SECISBP2L: variants seen among roughly 807,000 people sequenced by gnomAD.
SECISBP2L encodes SECIS binding protein 2 like.
In SECISBP2L, 43 loss-of-function variants were observed where a neutral mutation model predicts 114.7. The ratio of observed to expected loss-of-function variants is 0.38; its 90% CI spans 0.29 to 0.48. The LOEUF (loss-of-function observed/expected upper bound fraction) is 0.48, where lower values mean the gene tolerates loss of function less well. Ranked by LOEUF, SECISBP2L falls within the 20% of genes least tolerant of loss-of-function variation. The pLI, the probability that SECISBP2L is intolerant of heterozygous loss-of-function variation, is 0.98. For missense variants in SECISBP2L, 1,136 were observed against 1,301.1 expected, an observed-to-expected ratio of 0.87 and a Z score of 1.95; for synonymous variants, 451 against 439.7, an observed-to-expected ratio of 1.03 and a Z score of -0.32.
Position 48,988,669 on chromosome 15 carries a change from AAG to A in SECISBP2L, c.*3573_*3574del, listed in dbSNP as rs1188381466. The A allele has an allele frequency of 2.2e-6, 1 of 455,482 alleles. No individual in the cohort carries two copies. Among genetic ancestry groups the A allele is most frequent in the Non-Finnish European group, 4.4e-6 (1 of 226,546 alleles). 28.2% of individuals were successfully genotyped at this position (455,482 alleles called of 1,614,324 possible). A position where few individuals can be genotyped will look rare whatever the true frequency, so the allele number is the denominator to read the frequency against. Reference sequence around the variant, plus strand: ...TTCAATAATCATTTTATTAGTACAGAAGAATCCCCACTAGTATTTACATAGTG... The same window carrying A: ...TTCAATAATCATTTTATTAGTACAGAAATCCCCACTAGTATTTACATAGTG... On this transcript the variant is annotated 3_prime_UTR_variant, in exon 18 of 18. Coordinates refer to ENST00000559471, the MANE Select transcript of SECISBP2L (RefSeq NM_001193489.2).
intron 2 of SECISBP2L, 100 bp from the exon 3 acceptor site, chr15:49,035,758 C>A: frequency 1.9e-6 from 2 of 1,063,232 alleles, no homozygotes; most frequent in Non-Finnish European, 2.7e-6. Flanking sequence ...CAAAACAGAA[C>A]AGTGGCTTCA....
At position 48,992,819 on chromosome 15, in the gene SECISBP2L, G is replaced by T; in HGVS notation, c.2731C>A (p.Pro911Thr). 6.2e-7 allele frequency: 1 copy of T among 1,614,158 alleles called. No individual in the cohort carries two copies. Among genetic ancestry groups the T allele is most frequent in the East Asian group, 2.2e-5 (1 of 44,878 alleles). Residue 911 changes from proline to threonine, a missense_variant, in exon 18 of 18, where the codon CCA (proline) becomes ACA (threonine). Transcript: ENST00000559471. ...HSTSEKPSKL[P>T]FDTPPIGKQP... ...TTACCAATTGGGGGTGTGTCAAATGGAAGTTTACTGGGTTTTTCAGAAGTG... is the reference window on the plus strand; with the variant it reads ...TTACCAATTGGGGGTGTGTCAAATGTAAGTTTACTGGGTTTTTCAGAAGTG...
At chr15:49,008,680 T>C (rs1428689024) in intron 14 of SECISBP2L, among the ~76,000 whole-genome samples, 1 of 152,230 alleles carries the variant, frequency 6.6e-6, no homozygotes, top group African/African-American at 2.4e-5. Context: ...TCAACATAAA[T>C]GTTAAAATCT....
intron 1 of SECISBP2L, among the ~76,000 whole-genome samples, chr15:49,046,006 C>T (rs1376301855): frequency 6.6e-6 from 1 of 152,208 alleles, no homozygotes; most frequent in Admixed American, 6.5e-5. Flanking sequence ...GCAGGGACAA[C>T]TTGGAGCCTT....
chr15:49,028,278 T>C, intron 5 of SECISBP2L, 110 bp from the exon 6 acceptor site: 2 of 1,009,450 alleles, frequency 2.0e-6, no homozygotes, highest in Admixed American at 2.8e-5. Context: ...ATCACAATAT[T>C]ATCATACTTC....
chr15:49,018,793 G>A lies in SECISBP2L; in HGVS notation c.1170+625C>T, dbSNP rs372702983. On this transcript the variant is annotated intron_variant, in intron 8 of 17. Coordinates refer to ENST00000559471, the MANE Select transcript of SECISBP2L (RefSeq NM_001193489.2). The stretch of plus-strand genomic sequence containing the variant: ...CAAACCCAAAGTGACCTGTCTCTGC[G>A]CTCAACTCTAACCACACTCAACTAA... 8.5e-5 allele frequency among the ~76,000 whole-genome samples: 13 copies of A among 152,132 alleles called. 1 individual carries two copies. The East Asian group carries it at 1.2e-3, about 14-fold the overall frequency.
At chr15:49,009,126 GACTC>G (rs1403894563) in intron 14 of SECISBP2L, 86 bp downstream of exon 14, 1 of 1,359,498 alleles carries the variant, frequency 7.4e-7, no homozygotes, top group Non-Finnish European at 1.0e-6. Context: ...TTGTCTGCTT[GACTC>G]ACTGAGTAAC....
At chr15:49,032,774 C>G (rs1013140020) in intron 4 of SECISBP2L, among the ~76,000 whole-genome samples, 191 bp downstream of exon 4, 1 of 152,080 alleles carries the variant, frequency 6.6e-6, no homozygotes, top group Non-Finnish European at 1.5e-5. Context: ...GTACATAAGG[C>G]CAGCAAGCAA....
At chr15:49,011,195 T>C (rs1158950517) in intron 13 of SECISBP2L, among the ~76,000 whole-genome samples, 2 of 152,316 alleles carry the variant, frequency 1.3e-5, no homozygotes, top group East Asian at 3.9e-4. Flanking sequence ...GGTATAAATA[T>C]TAGAAGAAAT....
At chr15:49,033,981 T>G (rs970142155) in intron 3 of SECISBP2L, among the ~76,000 whole-genome samples, 1 of 152,256 alleles carries the variant, frequency 6.6e-6, no homozygotes, top group Non-Finnish European at 1.5e-5. Flanking sequence ...TGGGAATGTA[T>G]TCTAAGAAAT....
chr15:48,993,686 A>AATATATATATAT (rs35939252), intron 17 of SECISBP2L, among the ~76,000 whole-genome samples: 3 of 148,806 alleles, frequency 2.0e-5, no homozygotes, highest in African/African-American at 7.4e-5. Flanking sequence ...GTTGTTTTAT[A>AATATATATATAT]ATATATATAT....
In SECISBP2L at chr15:49,017,093, G is replaced by C. The variant is rs536188559; in HGVS notation, c.1252-78C>G. ...TAAGGAAAAAGGATCCAGAATGTGG[G>C]ATGTTCTGCAGTACAACCGGACTAG... On this transcript the variant is annotated intron_variant, in intron 9 of 17. Transcript: ENST00000559471. 7 of 1,450,438 alleles carry C rather than the reference G, an allele frequency of 4.8e-6. No homozygotes were observed. In the African/African-American group the frequency reaches 7.0e-5, roughly 15 times the overall value. 89.8% of individuals were successfully genotyped at this position (1,450,438 alleles called of 1,614,324 possible). A position where few individuals can be genotyped will look rare whatever the true frequency, so the allele number is the denominator to read the frequency against.
rs149913295 is a variant in SECISBP2L, at chr15:49,033,070, T to G, written c.559A>C (p.Lys187Gln). Residue 187 changes from lysine (K) to glutamine (Q), a missense_variant, in exon 4 of 18, where the codon AAA (lysine) becomes CAA (glutamine). Around this residue, in one of 2 missense-constraint regions of SECISBP2L, gnomAD observed 452 missense variants for 452.3 expected, o/e 1.00. Transcript: ENST00000559471. The part of the protein sequence containing the change: ...QQLLQQHIKS[K>Q]RPLVKNVATQ... Reference sequence around the variant, plus strand: ...GCTACATTTTTCACCAGCGGCCTTTTGCTTTTTATGTGCTGTTGTAAAAGC... The same window carrying G: ...GCTACATTTTTCACCAGCGGCCTTTGGCTTTTTATGTGCTGTTGTAAAAGC... The G allele has an allele frequency of 1.0e-4, 165 of 1,614,082 alleles. No homozygotes were observed. The highest frequency in any genetic ancestry group is 1.6e-4 in the Middle Eastern group (1 of 6,062).
At position 49,029,247 on chromosome 15, in the gene SECISBP2L, G is replaced by A. The variant is rs943839035; in HGVS notation, c.665-565C>T. On this transcript the variant is annotated intron_variant, in intron 4 of 17. Coordinates refer to ENST00000559471, the MANE Select transcript of SECISBP2L (RefSeq NM_001193489.2). ...TCAACCATTTAGGAAAGAGAACATC[G>A]TCAATCTTTTGAAGGTCACTGTGTG... Among the ~76,000 whole-genome samples, 21 of 152,112 alleles carry A rather than the reference G, an allele frequency of 1.4e-4. No individual in the cohort carries two copies. The South Asian group carries it at 1.9e-3, about 14-fold the overall frequency.
At chr15:49,037,885 C>T in intron 1 of SECISBP2L, 116 bp from the exon 2 acceptor site, 1 of 686,330 alleles carries the variant, frequency 1.5e-6, no homozygotes, top group Non-Finnish European at 2.2e-6. Context: ...CTCTTCTCAG[C>T]ATTCATAAAA....
At chr15:49,033,141 T>TA in intron 3 of SECISBP2L, 41 bp from the exon 4 acceptor site, 3 of 1,584,368 alleles carry the variant, frequency 1.9e-6, no homozygotes, top group South Asian at 1.1e-5. Flanking sequence ...AACACACAAC[T>TA]ATTCAATGTA....
chr15:49,012,966 T>C, intron 11 of SECISBP2L, 149 bp from the exon 12 acceptor site: 1 of 705,388 alleles, frequency 1.4e-6, no homozygotes, highest in South Asian at 2.0e-5. Flanking sequence ...CTAGGCAGTG[T>C]CCCTCAGATA....
chr15:49,032,450 A>C (rs1394434614), intron 4 of SECISBP2L, among the ~76,000 whole-genome samples: 1 of 152,210 alleles, frequency 6.6e-6, no homozygotes, highest in Non-Finnish European at 1.5e-5. Flanking sequence ...TCCTCTAAAA[A>C]TTTTTGACAA....
chr15:49,001,118 G>T, intron 14 of SECISBP2L, 21 bp from the exon 15 acceptor site: 2 of 1,526,766 alleles, frequency 1.3e-6, no homozygotes, highest in South Asian at 1.2e-5. Context: ...AAACCAAAAT[G>T]GGTAACTCCA....
Sources: allele counts gnomAD v4.1 joint callset (sites outside exome capture counted in the v4.1 genomes callset), GRCh38; gene constraint gnomAD v4.1.1; regional missense constraint gnomAD v4.1.1; transcripts MANE v1.5; gene names NCBI Gene and HGNC (gene_info 2026-07-23, HGNC 2026-07-21).